KCNMA1: variants seen among roughly 807,000 people sequenced by gnomAD.
KCNMA1 encodes Calcium-activated potassium channel subunit alpha-1.
KCNMA1 carries 29 observed loss-of-function variants against 140.0 expected under a neutral mutation model. The ratio of observed to expected loss-of-function variants is 0.21; its 90% CI spans 0.15 to 0.28. The LOEUF (loss-of-function observed/expected upper bound fraction) is 0.28, where lower values mean the gene tolerates loss of function less well. Ranked by LOEUF, KCNMA1 falls within the 10% of genes least tolerant of loss-of-function variation. The pLI is 1.00. For missense variants in KCNMA1, 880 were observed against 1,602.2 expected (o/e 0.55, Z 7.70); for synonymous variants, 612 against 611.9 (o/e 1.00, Z 0.00).
At chr10:77,048,209 T>C (rs1465520274) in intron 14 of KCNMA1, among the ~76,000 whole-genome samples, 3 of 152,124 alleles carry the variant, frequency 2.0e-5, no homozygotes, top group Non-Finnish European at 4.4e-5. Flanking sequence ...TCACAATCCA[T>C]ATAAAATTAA....
chr10:77,134,417 T>C (rs1303817888), intron 5 of KCNMA1, among the ~76,000 whole-genome samples: 3 of 152,026 alleles, frequency 2.0e-5, no homozygotes. Context: ...ATAATATAAC[T>C]AGTGAATAAT....
intron 5 of KCNMA1, among the ~76,000 whole-genome samples, chr10:77,123,217 T>TAAAAAAA (rs1265245080): frequency 2.2e-5 from 2 of 92,168 alleles, no homozygotes; most frequent in South Asian, 3.4e-4. Context: ...AAAAAAAAAG[T>TAAAAAAA]GTTAAACAGC....
chr10:77,087,835 C>G (rs2153781230), intron 10 of KCNMA1, among the ~76,000 whole-genome samples: 1 of 152,176 alleles, frequency 6.6e-6, no homozygotes, highest in Admixed American at 6.5e-5. Flanking sequence ...ACTTGCCTAA[C>G]ATTTGTGAAG....
At chr10:77,343,441 C>T (rs140566710) in intron 2 of KCNMA1, among the ~76,000 whole-genome samples, 2 of 152,120 alleles carry the variant, frequency 1.3e-5, no homozygotes, top group African/African-American at 4.8e-5. Context: ...CCTAACCATA[C>T]TCCCTACTGC....
intron 2 of KCNMA1, among the ~76,000 whole-genome samples, chr10:77,359,232 G>A (rs1042588427): frequency 1.3e-5 from 2 of 152,272 alleles, no homozygotes; most frequent in East Asian, 3.9e-4. Flanking sequence ...GAATCTCATA[G>A]GTGTGGAAGC....
intron 2 of KCNMA1, among the ~76,000 whole-genome samples, chr10:77,272,490 G>T (rs1447067685): frequency 6.6e-6 from 1 of 152,098 alleles, no homozygotes; most frequent in African/African-American, 2.4e-5. Context: ...TGTCTTGAAT[G>T]TACATCCCTC....
chr10:77,476,087 G>A (rs1289254948), intron 1 of KCNMA1, among the ~76,000 whole-genome samples: 1 of 152,162 alleles, frequency 6.6e-6, no homozygotes, highest in East Asian at 1.9e-4. Context: ...GCCGCACGGT[G>A]CTGGCCTCCT....
chr10:77,110,439 T>C, intron 7 of KCNMA1, 96 bp from the exon 8 acceptor site: 1 of 1,020,396 alleles, frequency 9.8e-7, no homozygotes, highest in Non-Finnish European at 1.6e-6. Flanking sequence ...GAAGGCCACT[T>C]GCTACTGCAC....
At chr10:77,223,383 T>C (rs1051774570) in intron 3 of KCNMA1, among the ~76,000 whole-genome samples, 1 of 152,220 alleles carries the variant, frequency 6.6e-6, no homozygotes, top group Non-Finnish European at 1.5e-5. Context: ...CCTGCACATC[T>C]GTATTTTTGT....
At chr10:77,150,423 A>G (rs1299619354) in intron 5 of KCNMA1, among the ~76,000 whole-genome samples, 1 of 152,224 alleles carries the variant, frequency 6.6e-6, no homozygotes, top group African/African-American at 2.4e-5. Flanking sequence ...GAATCCAGAT[A>G]TATAAAATGA....
intron 2 of KCNMA1, among the ~76,000 whole-genome samples, chr10:77,337,242 G>A (rs958150228): frequency 6.6e-6 from 1 of 152,168 alleles, no homozygotes; most frequent in Non-Finnish European, 1.5e-5. Context: ...TTTGACTTTA[G>A]ATGGGAAGAC....
In KCNMA1 at chr10:77,404,340, G is replaced by A. The variant is rs187015684; in HGVS notation, c.379-317C>T. On this transcript the variant is annotated intron_variant, in intron 1 of 27. Coordinates refer to ENST00000286628, the MANE Select transcript of KCNMA1 (RefSeq NM_001161352.2). ...GTCACCCAGGCTGGAGTGCAGTGGC[G>A]CAATCTCGGCTCTCTGCAACCTCCA... Among the ~76,000 whole-genome samples, 74 of 152,094 alleles carry A rather than the reference G, an allele frequency of 4.9e-4. 2 individuals carry two copies. The East Asian group carries it at 8.1e-3, about 17-fold the overall frequency.
chr10:77,569,656 C>G (rs74364785), intron 1 of KCNMA1, among the ~76,000 whole-genome samples: 107,776 of 151,910 alleles, frequency 0.71, 39,034 homozygotes, highest in South Asian at 0.86. Flanking sequence ...TAGGCATTAC[C>G]ATTCAGGACA....
intron 1 of KCNMA1, among the ~76,000 whole-genome samples, chr10:77,455,439 C>T (rs2097744978): frequency 6.6e-6 from 1 of 152,038 alleles, no homozygotes; most frequent in African/African-American, 2.4e-5. Flanking sequence ...CCATTCTAGG[C>T]TTCCTCAGAA....
At chr10:77,449,644 A>ATT (rs35728303) in intron 1 of KCNMA1, among the ~76,000 whole-genome samples, 1 of 114,786 alleles carries the variant, frequency 8.7e-6, no homozygotes, top group Non-Finnish European at 1.8e-5. Context: ...TTAATTTTTA[A>ATT]TTTTTTTTTT....
chr10:76,890,482 T>C (rs957401075), intron 26 of KCNMA1, among the ~76,000 whole-genome samples: 1 of 152,138 alleles, frequency 6.6e-6, no homozygotes, highest in African/African-American at 2.4e-5. Context: ...AAGTAAATGA[T>C]AGGTATAAAG....
Position 77,258,076 on chromosome 10 carries a change from A to G in KCNMA1, c.541-6820T>C, listed in dbSNP as rs192285387. On this transcript the variant is annotated intron_variant, in intron 2 of 27. Coordinates refer to ENST00000286628, the MANE Select transcript of KCNMA1 (RefSeq NM_001161352.2). ...TAAGCAACATGCTCTTAAGCACGTC[A>G]CCTAATCTCTCTGGGTCTAAGTTTC... 2.4e-4 allele frequency among the ~76,000 whole-genome samples: 37 copies of G among 152,298 alleles called. No homozygotes were observed. In the East Asian group the frequency reaches 7.1e-3, roughly 29 times the overall value.
intron 2 of KCNMA1, among the ~76,000 whole-genome samples, chr10:77,356,339 T>C (rs540058912): frequency 6.6e-6 from 1 of 152,378 alleles, no homozygotes; most frequent in South Asian, 2.1e-4. Flanking sequence ...TGTTTAATTA[T>C]AGTAAAATTA....
chr10:77,620,202 A>C (rs1327004588), intron 1 of KCNMA1, among the ~76,000 whole-genome samples: 1 of 152,128 alleles, frequency 6.6e-6, no homozygotes, highest in African/African-American at 2.4e-5. Context: ...CAGCGGCAGA[A>C]AGGCCAGTTA....
Sources: allele counts gnomAD v4.1 joint callset (sites outside exome capture counted in the v4.1 genomes callset), GRCh38; gene constraint gnomAD v4.1.1; transcripts MANE v1.5; gene names NCBI Gene and HGNC (gene_info 2026-07-23, HGNC 2026-07-21).